NCAM1: variants seen among roughly 807,000 people sequenced by gnomAD.
NCAM1 encodes the protein neural cell adhesion molecule 1, also known as antigen recognized by monoclonal antibody 5.1H11.
A neutral mutation model predicts 109.8 loss-of-function variants in NCAM1; 14 were observed. The ratio of observed to expected loss-of-function variants is 0.13; its 90% confidence interval spans 0.08 to 0.20. The LOEUF (loss-of-function observed/expected upper bound fraction) is 0.20, where lower values mean the gene tolerates loss of function less well. Among genes scored for constraint, NCAM1 ranks in the 10% least tolerant of loss-of-function variants. The probability of loss-of-function intolerance (pLI) is 1.00; values close to 1 mark genes in which losing one functional copy is unlikely to be tolerated. For missense variants in NCAM1, 774 were observed against 1,109.9 expected (o/e 0.70, Z 4.30); for synonymous variants, 418 against 442.9 (o/e 0.94, Z 0.70).
At chr11:113,097,205 A>C (rs1303427371) in intron 1 of NCAM1, among the ~76,000 whole-genome samples, 1 of 152,154 alleles carries the variant, frequency 6.6e-6, no homozygotes, top group African/African-American at 2.4e-5. Context: ...CTACTTCTTC[A>C]AGCTGCAGGC....
Position 113,051,386 on chromosome 11 carries a change from G to A in NCAM1, c.52+89722G>A, listed in dbSNP as rs554373988. 5.3e-5 allele frequency among the ~76,000 whole-genome samples: 8 copies of A among 152,010 alleles called. No individual in the cohort carries two copies. The South Asian group carries it at 1.7e-3, about 32-fold the overall frequency. ...TCACTCTATGTGAAATGAGGTGTTGGGTTAGATTATTCTTAAGTCTCTCTT... is the reference window on the plus strand; with the variant it reads ...TCACTCTATGTGAAATGAGGTGTTGAGTTAGATTATTCTTAAGTCTCTCTT... On this transcript the variant is annotated intron_variant, in intron 1 of 19. Coordinates refer to ENST00000316851, the MANE Select transcript of NCAM1 (RefSeq NM_181351.5).
At chr11:113,172,191 C>T (rs1201752084) in intron 1 of NCAM1, among the ~76,000 whole-genome samples, 1 of 152,196 alleles carries the variant, frequency 6.6e-6, no homozygotes, top group Non-Finnish European at 1.5e-5. Context: ...TAACATAGTA[C>T]ATCTCATCTC....
intron 1 of NCAM1, among the ~76,000 whole-genome samples, chr11:113,154,149 T>A (rs1367996571): frequency 6.6e-6 from 1 of 152,220 alleles, no homozygotes; most frequent in Non-Finnish European, 1.5e-5. Context: ...CCCTCAGACA[T>A]TTCCAGCCAA....
chr11:113,262,990 C>G, intron 17 of NCAM1: 3 of 1,569,526 alleles, frequency 1.9e-6, no homozygotes, highest in South Asian at 2.3e-5. Context: ...TCAGTGCCCC[C>G]TTTGGAAGAA....
At chr11:113,060,275 T>G (rs535483459) in intron 1 of NCAM1, among the ~76,000 whole-genome samples, 22 of 152,248 alleles carry the variant, frequency 1.4e-4, no homozygotes, top group African/African-American at 5.3e-4. Flanking sequence ...AGGGCATAAT[T>G]GAGATTGCTG....
intron 1 of NCAM1, among the ~76,000 whole-genome samples, chr11:112,999,889 C>T (rs1195262563): frequency 2.6e-5 from 4 of 152,170 alleles, no homozygotes; most frequent in Admixed American, 2.6e-4. Context: ...AGTTTACTTA[C>T]ATTAAAACAT....
chr11:113,122,559 G>A (rs904500937), intron 1 of NCAM1, among the ~76,000 whole-genome samples: 50 of 152,232 alleles, frequency 3.3e-4, no homozygotes, highest in African/African-American at 1.1e-3. Context: ...CGAGGCAGGC[G>A]GATCACCTGA....
chr11:113,250,288 T>C (rs1400217809), intron 15 of NCAM1, among the ~76,000 whole-genome samples: 5 of 151,068 alleles, frequency 3.3e-5, no homozygotes, highest in Non-Finnish European at 5.9e-5. Flanking sequence ...GACATGAGGA[T>C]CCAAGAATGT....
intron 1 of NCAM1, among the ~76,000 whole-genome samples, chr11:112,998,292 C>T (rs1951653569): frequency 6.6e-6 from 1 of 152,136 alleles, no homozygotes; most frequent in Admixed American, 6.5e-5. Context: ...AGGCACATGC[C>T]TGTAGGACTG....
intron 1 of NCAM1, among the ~76,000 whole-genome samples, chr11:113,148,736 G>A (rs546523757): frequency 1.7e-4 from 26 of 152,300 alleles, no homozygotes; most frequent in African/African-American, 5.3e-4. Context: ...AATTCCTGCA[G>A]TAGTTTTGGG....
intron 1 of NCAM1, among the ~76,000 whole-genome samples, chr11:113,144,175 G>C (rs1555100965): frequency 6.6e-6 from 1 of 152,140 alleles, no homozygotes; most frequent in African/African-American, 2.4e-5. Context: ...TTGGATGGGA[G>C]ATCTCTGAGG....
rs140292345 is a variant in NCAM1 at position 113,045,957 on chromosome 11, A to G, written c.52+84293A>G. Among the ~76,000 whole-genome samples, 302 of 152,344 alleles carry G rather than the reference A, an allele frequency of 2.0e-3. 1 individual carries two copies. The highest frequency in any genetic ancestry group is 6.9e-3 in the African/African-American group (288 of 41,578). On this transcript the variant is annotated intron_variant, in intron 1 of 19. Transcript: ENST00000316851. ...GCTCTGAGGTGAGATGAATAGAGCC[A>G]CAAAGCTATAGGTAAATGATGAGAA...
intron 1 of NCAM1, among the ~76,000 whole-genome samples, chr11:113,059,055 C>T (rs954047871): frequency 5.9e-5 from 9 of 152,266 alleles, no homozygotes; most frequent in Admixed American, 4.6e-4. Context: ...AATGGCTGGA[C>T]GGCACTAAAG....
At chr11:113,016,019 G>T (rs996753979) in intron 1 of NCAM1, among the ~76,000 whole-genome samples, 1 of 152,132 alleles carries the variant, frequency 6.6e-6, no homozygotes, top group Non-Finnish European at 1.5e-5. Context: ...ATGGTGGTGT[G>T]CCGAGTATTA....
At chr11:113,137,326 T>C (rs1941637713) in intron 1 of NCAM1, among the ~76,000 whole-genome samples, 1 of 152,262 alleles carries the variant, frequency 6.6e-6, no homozygotes, top group South Asian at 2.1e-4. Flanking sequence ...GTTATAGACC[T>C]GGTAGTAAGT....
chr11:113,256,226 T>A (rs190799030), intron 16 of NCAM1, among the ~76,000 whole-genome samples: 34 of 152,340 alleles, frequency 2.2e-4, no homozygotes, highest in African/African-American at 7.5e-4. Flanking sequence ...TAGATGACTG[T>A]GGTGGTGACA....
In NCAM1 at chr11:113,277,787, C is replaced by T. The variant is rs1946427915; in HGVS notation, c.*2400C>T. On this transcript the variant is annotated 3_prime_UTR_variant, in exon 20 of 20. Coordinates refer to ENST00000316851, the MANE Select transcript of NCAM1 (RefSeq NM_181351.5). ...TAGCTAGGACCTAAGACTCTGCCCA[C>T]ATTTTGGTCTGTTCTCTCCCATTAC... 1 of 143,994 alleles carries T rather than the reference C, an allele frequency of 6.9e-6. No individual in the cohort carries two copies. The highest frequency in any genetic ancestry group is 2.7e-4 in the South Asian group (1 of 3,734). 8.9% of individuals were successfully genotyped at this position (143,994 alleles called of 1,614,324 possible). A position where few individuals can be genotyped will look rare whatever the true frequency, so the allele number is the denominator to read the frequency against.
intron 1 of NCAM1, among the ~76,000 whole-genome samples, chr11:113,199,823 C>T (rs1555111540): frequency 1.2e-5 from 1 of 84,344 alleles, no homozygotes. Context: ...GTAAAAGAAA[C>T]ACCCTTAAAA....
At chr11:113,073,533 A>G (rs894544965) in intron 1 of NCAM1, among the ~76,000 whole-genome samples, 4 of 152,206 alleles carry the variant, frequency 2.6e-5, no homozygotes, top group African/African-American at 9.6e-5. Context: ...GAGTATTTTT[A>G]GCATGGCATT....
Sources: gnomAD v4.1 joint callset for allele counts (sites outside exome capture counted in the v4.1 genomes callset) on GRCh38, gnomAD v4.1.1 for gene constraint, MANE v1.5 for transcripts, NCBI Gene and HGNC (gene_info 2026-07-23, HGNC 2026-07-21) for gene names.